ABTB3: variants seen among roughly 807,000 people sequenced by gnomAD.
ABTB3 encodes ankyrin repeat and BTB domain containing 3, also known as ankyrin repeat- and BTB/POZ domain-containing protein 3.
At chr12:107,544,050 G>A in the ABTB3 span, 2 of 1,614,046 alleles carry the variant, frequency 1.2e-6, no homozygotes, top group Non-Finnish European at 8.5e-7. Context: ...CCGAGGCCCT[G>A]TACACCCTTT....
At chr12:107,377,578 A>G in the ABTB3 span, among the ~76,000 whole-genome samples, 2 of 152,104 alleles carry the variant, frequency 1.3e-5, no homozygotes, top group Admixed American at 6.5e-5. Flanking sequence ...GGAGGTGACC[A>G]TGTGCTTGGA....
the ABTB3 span, among the ~76,000 whole-genome samples, chr12:107,410,224 G>GT: frequency 3.1e-3 from 350 of 112,188 alleles, 1 homozygote; most frequent in African/African-American, 0.015. Context: ...GATCAGAATT[G>GT]TTAAAAAAAA....
the ABTB3 span, among the ~76,000 whole-genome samples, chr12:107,396,195 G>A: frequency 5.3e-5 from 8 of 152,194 alleles, no homozygotes; most frequent in South Asian, 2.1e-4. Flanking sequence ...TGTCCTCTGC[G>A]TGTTAATAAT....
chr12:107,368,637 A>G, the ABTB3 span, among the ~76,000 whole-genome samples: 2 of 152,204 alleles, frequency 1.3e-5, no homozygotes, highest in Non-Finnish European at 2.9e-5. Flanking sequence ...CACAGGGTTT[A>G]TACAAACTTG....
At chr12:107,499,680 T>C in the ABTB3 span, among the ~76,000 whole-genome samples, 2 of 137,958 alleles carry the variant, frequency 1.4e-5, no homozygotes, top group South Asian at 4.4e-4. Context: ...TGCCAGACAC[T>C]TTTTCTTTTC....
chr12:107,440,596 C>T, the ABTB3 span, among the ~76,000 whole-genome samples: 1 of 152,092 alleles, frequency 6.6e-6, no homozygotes, highest in African/African-American at 2.4e-5. Flanking sequence ...TGCACTGTTC[C>T]CCCTGAGAAT....
the ABTB3 span, among the ~76,000 whole-genome samples, chr12:107,360,222 A>G: frequency 6.6e-6 from 1 of 152,212 alleles, no homozygotes; most frequent in Non-Finnish European, 1.5e-5. Context: ...GGGAGGTGAT[A>G]GCTGAGCTGG....
chr12:107,520,630 G>A, the ABTB3 span: 12 of 1,614,110 alleles, frequency 7.4e-6, no homozygotes, highest in South Asian at 8.8e-5. Flanking sequence ...CAGCATCGCC[G>A]AATTGAGTAA....
the ABTB3 span, among the ~76,000 whole-genome samples, chr12:107,570,497 G>A: frequency 1.3e-5 from 2 of 152,182 alleles, no homozygotes; most frequent in African/African-American, 2.4e-5. Flanking sequence ...TTACAGGGAT[G>A]AGCCACCATG....
the ABTB3 span, among the ~76,000 whole-genome samples, chr12:107,569,876 G>A: frequency 7.0e-4 from 106 of 152,262 alleles, no homozygotes; most frequent in African/African-American, 1.5e-3. Flanking sequence ...GTTGCTCTGC[G>A]TTTATCAACA....
At chr12:107,548,807 C>T in the ABTB3 span, among the ~76,000 whole-genome samples, 1 of 152,186 alleles carries the variant, frequency 6.6e-6, no homozygotes, top group African/African-American at 2.4e-5. Flanking sequence ...AATAAGGTTT[C>T]TCTCACCTGT....
At chr12:107,350,027 A>T in the ABTB3 span, among the ~76,000 whole-genome samples, 1 of 152,264 alleles carries the variant, frequency 6.6e-6, no homozygotes, top group Non-Finnish European at 1.5e-5. Flanking sequence ...TAGCACATTA[A>T]GTAATACAGA....
the ABTB3 span, among the ~76,000 whole-genome samples, chr12:107,566,066 GTA>G: frequency 6.6e-6 from 1 of 152,196 alleles, no homozygotes; most frequent in Non-Finnish European, 1.5e-5. Flanking sequence ...TAAATTGCGT[GTA>G]TGTTTCCTTC....
At chr12:107,403,348 T>C in the ABTB3 span, among the ~76,000 whole-genome samples, 60 of 152,222 alleles carry the variant, frequency 3.9e-4, no homozygotes, top group African/African-American at 1.4e-3. Context: ...GAAAATGTAA[T>C]GGGTTGTTTC....
the ABTB3 span, among the ~76,000 whole-genome samples, chr12:107,424,439 G>A: frequency 1.1e-4 from 16 of 152,198 alleles, no homozygotes; most frequent in African/African-American, 3.6e-4. Flanking sequence ...ATTCAGGATC[G>A]AGAGTAGAGA....
At chr12:107,654,169 GTTTA>G in the ABTB3 span, among the ~76,000 whole-genome samples, 906 of 152,170 alleles carry the variant, frequency 6.0e-3, 21 homozygotes, top group East Asian at 0.068. Flanking sequence ...GCCATATTTT[GTTTA>G]TTCATTCACC....
At chr12:107,557,472 C>A in the ABTB3 span, among the ~76,000 whole-genome samples, 1 of 152,138 alleles carries the variant, frequency 6.6e-6, no homozygotes, top group African/African-American at 2.4e-5. Context: ...AAACGCAGAA[C>A]CTGCTTCTTA....
At chr12:107,607,790 G>A in the ABTB3 span, among the ~76,000 whole-genome samples, 1 of 152,160 alleles carries the variant, frequency 6.6e-6, no homozygotes, top group Admixed American at 6.5e-5. Context: ...TTCAGACCAA[G>A]GCTCCTCCGC....
At chr12:107,652,113 T>C in the ABTB3 span, among the ~76,000 whole-genome samples, 1 of 152,238 alleles carries the variant, frequency 6.6e-6, no homozygotes, top group African/African-American at 2.4e-5. Context: ...TCTAACAAGC[T>C]CCCAGGTGAT....
Sources: allele counts gnomAD v4.1 joint callset (sites outside exome capture counted in the v4.1 genomes callset), GRCh38; gene constraint gnomAD v4.1.1; transcripts MANE v1.5; gene names NCBI Gene and HGNC (gene_info 2026-07-23, HGNC 2026-07-21).